CAMK1D: variants seen among roughly 807,000 people sequenced by gnomAD.
CAMK1D encodes the protein calcium/calmodulin dependent protein kinase ID.
CAMK1D carries 9 observed loss-of-function variants against 47.7 expected under a neutral mutation model. That is an observed-to-expected ratio of 0.19 (90% CI 0.11 to 0.33). The LOEUF is 0.33. Ranked by LOEUF, CAMK1D falls within the 10% of genes least tolerant of loss-of-function variation. The pLI, the probability that CAMK1D is intolerant of heterozygous loss-of-function variation, is 1.00. For missense variants in CAMK1D, 291 were observed against 488.7 expected (o/e 0.60, Z 3.81); for synonymous variants, 184 against 184.9 (o/e 0.99, Z 0.04).
intron 1 of CAMK1D, among the ~76,000 whole-genome samples, chr10:12,397,285 A>G (rs892663574): frequency 6.6e-6 from 1 of 152,060 alleles, no homozygotes; most frequent in Non-Finnish European, 1.5e-5. Flanking sequence ...TGTTCTTTCA[A>G]GCGCCCTAGG....
intron 3 of CAMK1D, among the ~76,000 whole-genome samples, chr10:12,714,868 A>G (rs1834068745): frequency 6.6e-6 from 1 of 150,486 alleles, no homozygotes; most frequent in African/African-American, 2.5e-5. Flanking sequence ...GCTTCTACCT[A>G]TTTATGGGGT....
chr10:12,534,970 G>A (rs1433762986), intron 1 of CAMK1D, among the ~76,000 whole-genome samples: 2 of 152,180 alleles, frequency 1.3e-5, no homozygotes, highest in Non-Finnish European at 2.9e-5. Flanking sequence ...TGCAAGGTTG[G>A]GAACTAGAGT....
intron 3 of CAMK1D, among the ~76,000 whole-genome samples, chr10:12,706,885 A>G (rs1352007195): frequency 6.6e-6 from 1 of 152,138 alleles, no homozygotes; most frequent in Non-Finnish European, 1.5e-5. Flanking sequence ...CCCTTGGTCC[A>G]TAGGAGGAAA....
At chr10:12,610,715 C>T (rs1348789753) in intron 2 of CAMK1D, among the ~76,000 whole-genome samples, 2 of 152,210 alleles carry the variant, frequency 1.3e-5, no homozygotes, top group Non-Finnish European at 2.9e-5. Context: ...TGTGATCTGA[C>T]TTTAGGCTCA....
At chr10:12,674,108 G>A (rs1201462413) in intron 3 of CAMK1D, among the ~76,000 whole-genome samples, 3 of 152,052 alleles carry the variant, frequency 2.0e-5, no homozygotes, top group East Asian at 1.9e-4. Flanking sequence ...ACCATGCCTG[G>A]CTAATTACTT....
At chr10:12,635,353 A>G (rs1030643604) in intron 2 of CAMK1D, among the ~76,000 whole-genome samples, 2 of 152,202 alleles carry the variant, frequency 1.3e-5, no homozygotes, top group African/African-American at 2.4e-5. Context: ...TGTTTGTTTT[A>G]GTAAACGTAG....
chr10:12,542,063 G>C (rs1836212948), intron 1 of CAMK1D, among the ~76,000 whole-genome samples: 1 of 151,854 alleles, frequency 6.6e-6, no homozygotes, highest in Non-Finnish European at 1.5e-5. Flanking sequence ...TTTTCTGGTA[G>C]AGATGGGGTT....
chr10:12,384,001 A>G (rs529303351), intron 1 of CAMK1D, among the ~76,000 whole-genome samples: 1 of 152,378 alleles, frequency 6.6e-6, no homozygotes, highest in Admixed American at 6.5e-5. Context: ...AAATGAGTTC[A>G]TCAAGACTGC....
rs536274857 is a variant in CAMK1D, at chr10:12,357,240, C to T, written c.92+7330C>T. Among the ~76,000 whole-genome samples the T allele has an allele frequency of 3.3e-5, 5 of 152,184 alleles. No individual in the cohort carries two copies. In the East Asian group the frequency reaches 9.7e-4, roughly 29 times the overall value. ...AGGCTGGAGCGCAGTGGTCCAGTCT[C>T]GGCTCACTGCAACCTCTGCCACCCG... On this transcript the variant is annotated intron_variant, in intron 1 of 10. Coordinates refer to ENST00000619168, the MANE Select transcript of CAMK1D (RefSeq NM_153498.4).
Position 12,753,900 on chromosome 10 carries a change from A to T in CAMK1D, c.300-7048A>T, listed in dbSNP as rs180915917. Among the ~76,000 whole-genome samples, 480 of 151,486 alleles carry T rather than the reference A, an allele frequency of 3.2e-3. 2 individuals carry two copies. Among genetic ancestry groups the T allele is most frequent in the African/African-American group, 9.5e-3 (390 of 41,246 alleles). ...CTCCTCCTTTTTAGTTTTATTTCTT[A>T]TTTTTTTGAGACAGAGTTTCGCTCT... On this transcript the variant is annotated intron_variant, in intron 3 of 10. Transcript: ENST00000619168.
At position 12,359,544 on chromosome 10, in the gene CAMK1D, A is replaced by T. The variant is rs1321734185; in HGVS notation, c.92+9634A>T. On this transcript the variant is annotated intron_variant, in intron 1 of 10. Coordinates refer to ENST00000619168, the MANE Select transcript of CAMK1D (RefSeq NM_153498.4). ...TCTCGGTTTTTTTTTTTTTCTCTGC[A>T]CCTCTCCCTGCACCCTTAGCTGGTT... is the stretch of plus-strand genomic sequence containing the variant. 1.1e-4 allele frequency among the ~76,000 whole-genome samples: 16 copies of T among 140,992 alleles called. No homozygotes were observed. In the Admixed American group the frequency reaches 1.1e-3, roughly 10 times the overall value. The allele number at this position is 140,992 out of a possible 152,430, so 92.5% of individuals were successfully genotyped here.
intron 1 of CAMK1D, among the ~76,000 whole-genome samples, chr10:12,362,446 G>C (rs1054174270): frequency 2.0e-5 from 3 of 152,094 alleles, no homozygotes; most frequent in African/African-American, 2.4e-5. Flanking sequence ...AAATGGTGTA[G>C]TATTTGCATA....
At chr10:12,627,386 A>G (rs1026004595) in intron 2 of CAMK1D, among the ~76,000 whole-genome samples, 2 of 152,104 alleles carry the variant, frequency 1.3e-5, no homozygotes, top group South Asian at 2.1e-4. Flanking sequence ...CGCCTGGCAT[A>G]TGGGTTATAA....
At chr10:12,671,888 T>C (rs539288967) in intron 3 of CAMK1D, among the ~76,000 whole-genome samples, 19 of 151,218 alleles carry the variant, frequency 1.3e-4, no homozygotes, top group African/African-American at 4.4e-4. Context: ...TTTGGTGTTA[T>C]ACTAAGAAGT....
intron 2 of CAMK1D, among the ~76,000 whole-genome samples, chr10:12,612,671 C>T (rs1838666009): frequency 6.6e-6 from 1 of 152,086 alleles, no homozygotes; most frequent in Non-Finnish European, 1.5e-5. Context: ...GTGGAGGTCG[C>T]ATATTCCTCT....
chr10:12,828,723 A>G, intron 10 of CAMK1D, 46 bp from the exon 11 acceptor site: 1 of 1,514,370 alleles, frequency 6.6e-7, no homozygotes. Flanking sequence ...GCAGGGTGAG[A>G]ATTTACCTCT....
intron 1 of CAMK1D, among the ~76,000 whole-genome samples, chr10:12,381,342 CTT>C (rs35503338): frequency 7.1e-4 from 95 of 134,612 alleles, no homozygotes; most frequent in East Asian, 1.3e-3. Context: ...ATAATGCTTT[CTT>C]TTTTTTTTTT....
chr10:12,574,547 G>T (rs1187684948), intron 2 of CAMK1D, among the ~76,000 whole-genome samples: 1 of 139,872 alleles, frequency 7.1e-6, no homozygotes, highest in Non-Finnish European at 1.5e-5. Flanking sequence ...TGAACTCCTG[G>T]CCTCAAGTGA....
chr10:12,687,387 C>T (rs975948126), intron 3 of CAMK1D, among the ~76,000 whole-genome samples: 1 of 152,096 alleles, frequency 6.6e-6, no homozygotes, highest in Non-Finnish European at 1.5e-5. Flanking sequence ...TTTCTCCCTA[C>T]TGGGTTTTAC....
Sources: gnomAD v4.1 joint callset for allele counts (sites outside exome capture counted in the v4.1 genomes callset) on GRCh38, gnomAD v4.1.1 for gene constraint, MANE v1.5 for transcripts, NCBI Gene and HGNC (gene_info 2026-07-23, HGNC 2026-07-21) for gene names.